The following SMR3B variants were observed in gnomAD, a reference collection of about 807,000 sequenced individuals.
SMR3B encodes the protein submaxillary gland androgen regulated protein 3B.
For missense variants in SMR3B, 114 were observed against 99.9 expected, an observed-to-expected ratio of 1.14 and a Z score of -0.60; for synonymous variants, 42 against 36.1, an observed-to-expected ratio of 1.16 and a Z score of -0.59.
chr4:70,388,426 T>A (rs1732704734), intron 2 of SMR3B, among the ~76,000 whole-genome samples: 1 of 152,182 alleles, frequency 6.6e-6, no homozygotes, highest in South Asian at 2.1e-4. Context: ...GCTATTTTTA[T>A]TTCTAAAAAT....
rs954915666 is a variant in SMR3B, at chr4:70,384,610, A to T, written c.54+46A>T. On this transcript the variant is annotated intron_variant, in intron 2 of 2. Coordinates refer to ENST00000304915, the MANE Select transcript of SMR3B (RefSeq NM_006685.4). The stretch of plus-strand genomic sequence containing the variant: ...TCACACTTCTTTATAGTTTCTCATT[A>T]ACCATTACTTCAGATTTCTTTTTAC... 2.6e-6 allele frequency: 4 copies of T among 1,542,934 alleles called. No homozygotes were observed. The African/African-American group carries it at 5.6e-5, about 22-fold the overall frequency.
At position 70,389,988 on chromosome 4, in the gene SMR3B, C is replaced by A. The variant is rs1732735852; in HGVS notation, c.*140C>A. The A allele has an allele frequency of 1.3e-6, 2 of 1,521,762 alleles. No individual in the cohort carries two copies. The highest frequency in any genetic ancestry group is 1.8e-6 in the Non-Finnish European group (2 of 1,096,742). 94.3% of individuals were successfully genotyped at this position (1,521,762 alleles called of 1,614,324 possible). A position where few individuals can be genotyped will look rare whatever the true frequency, so the allele number is the denominator to read the frequency against. ...CCTACTCCTGCACCCCAAATATGAA[C>A]AACTGCAGCAGGTGCCACCACCACC... On this transcript the variant is annotated 3_prime_UTR_variant, in exon 3 of 3. Coordinates refer to ENST00000304915, the MANE Select transcript of SMR3B (RefSeq NM_006685.4).
chr4:70,386,758 C>A (rs1388389801), intron 2 of SMR3B, among the ~76,000 whole-genome samples: 1 of 152,140 alleles, frequency 6.6e-6, no homozygotes, highest in Non-Finnish European at 1.5e-5. Flanking sequence ...GAGGCGAGGG[C>A]ACTTTCAGCT....
chr4:70,389,500 C>T (rs537674832), intron 2 of SMR3B, among the ~76,000 whole-genome samples, 163 bp from the exon 3 acceptor site: 1 of 152,266 alleles, frequency 6.6e-6, no homozygotes, highest in East Asian at 1.9e-4. Flanking sequence ...CATTGTAGAA[C>T]CTTTTTTAAA....
chr4:70,390,216 T>C lies in SMR3B; in HGVS notation c.*368T>C. The stretch of plus-strand genomic sequence containing the variant: ...CATGCAGACATAACATTTATACCAA[T>C]GAGGCAAAAATAAAGAATTGAGCAC... On this transcript the variant is annotated 3_prime_UTR_variant, in exon 3 of 3. Coordinates refer to ENST00000304915, the MANE Select transcript of SMR3B (RefSeq NM_006685.4). 1.9e-6 allele frequency: 1 copy of C among 524,416 alleles called. No individual in the cohort carries two copies. The highest frequency in any genetic ancestry group is 3.4e-6 in the Non-Finnish European group (1 of 291,234). 32.5% of individuals were successfully genotyped at this position (524,416 alleles called of 1,614,324 possible).
chr4:70,389,213 C>A (rs1306377311), intron 2 of SMR3B, among the ~76,000 whole-genome samples: 1 of 152,154 alleles, frequency 6.6e-6, no homozygotes. Flanking sequence ...CTCAGTCTCA[C>A]AAGGCTGAAA....
chr4:70,385,513 C>A lies in SMR3B; in HGVS notation c.54+949C>A, dbSNP rs577665937. Reference sequence around the variant, plus strand: ...CCGCCTCCCGGGTTCGCGCCATTCTCCTGCCTCAGCCTCCGGTGTAGCTGG... The same window carrying A: ...CCGCCTCCCGGGTTCGCGCCATTCTACTGCCTCAGCCTCCGGTGTAGCTGG... On this transcript the variant is annotated intron_variant, in intron 2 of 2. Coordinates refer to ENST00000304915, the MANE Select transcript of SMR3B (RefSeq NM_006685.4). Among the ~76,000 whole-genome samples, 420 of 150,718 alleles carry A rather than the reference C, an allele frequency of 2.8e-3. 1 individual carries two copies. Among genetic ancestry groups the A allele is most frequent in the African/African-American group, 9.6e-3 (394 of 40,868 alleles).
intron 2 of SMR3B, 79 bp from the exon 3 acceptor site, chr4:70,389,584 G>T: frequency 6.9e-7 from 1 of 1,447,628 alleles, no homozygotes; most frequent in Non-Finnish European, 9.5e-7. Flanking sequence ...TCAGAGTTCT[G>T]CTTACCACAG....
intron 1 of SMR3B, among the ~76,000 whole-genome samples, chr4:70,383,876 C>A (rs1732605993): frequency 6.6e-6 from 1 of 152,044 alleles, no homozygotes; most frequent in Admixed American, 6.6e-5. Flanking sequence ...CATGTTCTTG[C>A]CTTGGTCTCT....
At chr4:70,383,525 G>C (rs1274155824) in intron 1 of SMR3B, among the ~76,000 whole-genome samples, 1 of 152,042 alleles carries the variant, frequency 6.6e-6, no homozygotes, top group African/African-American at 2.4e-5. Context: ...ATAGTCTCAG[G>C]TGTACTCTAA....
chr4:70,387,400 C>A (rs1732686283), intron 2 of SMR3B, among the ~76,000 whole-genome samples: 2 of 152,000 alleles, frequency 1.3e-5, no homozygotes, highest in Admixed American at 6.6e-5. Flanking sequence ...AAGGGAGATG[C>A]AAAGCCAATA....
At chr4:70,383,278 C>T (rs1732588671) in intron 1 of SMR3B, 66 bp downstream of exon 1, 1 of 152,078 alleles carries the variant, frequency 6.6e-6, no homozygotes, top group Non-Finnish European at 1.5e-5. Context: ...TCAAAGATAA[C>T]ATTTTCAACG....
At chr4:70,383,836 C>G (rs1409295553) in intron 1 of SMR3B, among the ~76,000 whole-genome samples, 1 of 151,918 alleles carries the variant, frequency 6.6e-6, no homozygotes, top group African/African-American at 2.4e-5. Context: ...AAAATTTGAC[C>G]CAATTGAGAG....
At position 70,389,621 on chromosome 4, in the gene SMR3B, T is replaced by G. The variant is rs143032529; in HGVS notation, c.55-42T>G. ...AAGCATTCACCCTTATATTTAACTGTGAAATATCTGATTTGAAATTATTTA... is the reference window on the plus strand; with the variant it reads ...AAGCATTCACCCTTATATTTAACTGGGAAATATCTGATTTGAAATTATTTA... On this transcript the variant is annotated intron_variant, in intron 2 of 2. Coordinates refer to ENST00000304915, the MANE Select transcript of SMR3B (RefSeq NM_006685.4). 3.5e-4 allele frequency: 557 copies of G among 1,584,442 alleles called. 2 individuals carry two copies. In the African/African-American group the frequency reaches 5.4e-3, roughly 15 times the overall value.
intron 2 of SMR3B, among the ~76,000 whole-genome samples, chr4:70,385,893 C>T (rs554879260): frequency 6.6e-6 from 1 of 151,830 alleles, no homozygotes; most frequent in East Asian, 1.9e-4. Context: ...TTTTTATTCC[C>T]TCAGAATACA....
At chr4:70,383,952 T>C (rs1309287012) in intron 1 of SMR3B, among the ~76,000 whole-genome samples, 1 of 152,160 alleles carries the variant, frequency 6.6e-6, no homozygotes, top group African/African-American at 2.4e-5. Flanking sequence ...TAATAGAATG[T>C]TGTTAAAACT....
intron 2 of SMR3B, 151 bp downstream of exon 2, chr4:70,384,715 T>TA (rs2109760159): frequency 7.1e-7 from 1 of 1,412,396 alleles, no homozygotes; most frequent in East Asian, 2.5e-5. Flanking sequence ...AATTTAAATT[T>TA]AAAATCTAAT....
At position 70,390,024 on chromosome 4, in the gene SMR3B, C is replaced by A. The variant is rs1158723356; in HGVS notation, c.*176C>A. 2 of 1,245,664 alleles carry A rather than the reference C, an allele frequency of 1.6e-6. No homozygotes were observed. Among genetic ancestry groups the A allele is most frequent in the South Asian group, 1.2e-5 (1 of 83,594 alleles). The allele number at this position is 1,245,664 out of a possible 1,614,324, so 77.2% of individuals were successfully genotyped here. ...GGTGCCACCACCACCACAAAAGACA[C>A]CACTACCCTTGTAACTACTGCTTCT... On this transcript the variant is annotated 3_prime_UTR_variant, in exon 3 of 3. Transcript: ENST00000304915.
chr4:70,383,472 C>T (rs567778726), intron 1 of SMR3B, among the ~76,000 whole-genome samples: 1 of 152,216 alleles, frequency 6.6e-6, no homozygotes, highest in East Asian at 1.9e-4. Context: ...TTGACTTTTC[C>T]TCCTGATGTA....
Sources: allele counts gnomAD v4.1 joint callset (sites outside exome capture counted in the v4.1 genomes callset), GRCh38; gene constraint gnomAD v4.1.1; transcripts MANE v1.5; gene names NCBI Gene and HGNC (gene_info 2026-07-23, HGNC 2026-07-21).